POLN: variants seen among roughly 807,000 people sequenced by gnomAD.
POLN encodes the protein DNA polymerase nu.
Under a neutral mutation model 113.5 loss-of-function variants are expected in POLN, and 108 were observed. The ratio of observed to expected loss-of-function variants is 0.95; its 90% CI spans 0.81 to 1.12. The LOEUF (loss-of-function observed/expected upper bound fraction) is 1.12. Ranked by LOEUF, POLN falls within the 50% of genes most tolerant of loss-of-function variation. The probability of loss-of-function intolerance (pLI) is 0.00; values close to 1 mark genes in which losing one functional copy is unlikely to be tolerated. For synonymous variants in POLN, 386 were observed against 391.5 expected (o/e 0.99, Z 0.17); for missense variants, 1,097 against 1,077.1 (o/e 1.02, Z -0.26).
intron 13 of POLN, among the ~76,000 whole-genome samples, chr4:2,168,987 C>T (rs1472268009): frequency 6.6e-6 from 1 of 152,234 alleles, no homozygotes; most frequent in Non-Finnish European, 1.5e-5. Flanking sequence ...GAAGAAACAG[C>T]TGTGACTTGG....
rs771009498 is a variant in POLN at position 2,198,667 on chromosome 4, T to C, written c.765A>G (p.Ala255=). The C allele has an allele frequency of 5.0e-6, 8 of 1,613,384 alleles. No individual in the cohort carries two copies. The highest frequency in any genetic ancestry group is 6.8e-6 in the Non-Finnish European group (8 of 1,179,748). The change falls in exon 6 of 26, where the codon GCA becomes GCG. Residue 255 remains alanine, a synonymous_variant. Coordinates refer to ENST00000511885, the MANE Select transcript of POLN (RefSeq NM_181808.4). ...RGIVVLVKRQ[A]EGGHGCPDAP... ...CATCTGGACAGCCATGGCCACCCTC[T>C]GCTTGGCGTTTTACTAACACCACAA... is the stretch of plus-strand genomic sequence containing the variant.
chr4:2,125,888 A>G (rs867616431), intron 19 of POLN, among the ~76,000 whole-genome samples: 1 of 152,154 alleles, frequency 6.6e-6, no homozygotes, highest in African/African-American at 2.4e-5. Context: ...GAGGCCAGCG[A>G]GGACCCAGTG....
intron 13 of POLN, among the ~76,000 whole-genome samples, chr4:2,168,228 T>C (rs1036083137): frequency 3.3e-5 from 5 of 152,100 alleles, no homozygotes; most frequent in African/African-American, 1.2e-4. Context: ...ACACAGGGGA[T>C]ACCATCAGCT....
Position 2,085,627 on chromosome 4 carries a change from T to C in POLN, c.2183A>G (p.Gln728Arg). 6.2e-7 allele frequency: 1 copy of C among 1,614,074 alleles called. No homozygotes were observed. The highest frequency in any genetic ancestry group is 8.5e-7 in the Non-Finnish European group (1 of 1,180,038). ...IKDFARAAIA[Q>R]CHQTGCVVSI... ...GGCCAACTCACCTGTCTGGTGACAC[T>C]GGGCAATAGCTGCTCGGGCGAAGTC... The change falls in exon 21 of 26, where the codon CAG (glutamine) becomes CGG (arginine). Residue 728 changes from glutamine (Q) to arginine (R), a missense_variant. By Grantham distance (43) the Gln-to-Arg change is conservative. Transcript: ENST00000511885.
intron 2 of POLN, among the ~76,000 whole-genome samples, chr4:2,235,528 T>C (rs1186130060): frequency 6.6e-6 from 1 of 152,232 alleles, no homozygotes; most frequent in East Asian, 1.9e-4. Flanking sequence ...TATCATATAA[T>C]GGAATACTAA....
At chr4:2,228,937 A>G in intron 3 of POLN, 162 bp downstream of exon 3, 1 of 554,882 alleles carries the variant, frequency 1.8e-6, no homozygotes, top group East Asian at 3.1e-5. Context: ...TTAAGGGAAC[A>G]CGAAAGTTAG....
intron 16 of POLN, among the ~76,000 whole-genome samples, chr4:2,156,025 G>A (rs1051944444): frequency 6.6e-6 from 1 of 152,012 alleles, no homozygotes. Flanking sequence ...AGTAGAGACG[G>A]GGTTTCACCA....
intron 20 of POLN, chr4:2,088,602 A>G: frequency 1.6e-6 from 1 of 620,088 alleles, no homozygotes. Context: ...ACTGATCTAC[A>G]ACAATTTTCA....
At chr4:2,227,222 C>G (rs1734420822) in intron 3 of POLN, among the ~76,000 whole-genome samples, 1 of 152,224 alleles carries the variant, frequency 6.6e-6, no homozygotes, top group African/African-American at 2.4e-5. Context: ...CATAGAGGAT[C>G]ACATGACAGG....
At chr4:2,104,353 C>A (rs917890635) in intron 19 of POLN, among the ~76,000 whole-genome samples, 1 of 152,142 alleles carries the variant, frequency 6.6e-6, no homozygotes, top group African/African-American at 2.4e-5. Context: ...CTATGAATAT[C>A]ATGTACGAGT....
rs1025828296 is a variant in POLN at position 2,240,738 on chromosome 4, G to C, written c.-13+782C>G. The C allele has an allele frequency of 7.4e-6, 12 of 1,613,826 alleles. No individual in the cohort carries two copies. In the Admixed American group the frequency reaches 1.5e-4, roughly 20 times the overall value. Reference sequence around the variant, plus strand: ...ATCCAATGCCGCCCCTTCTAGAATAGGCTTGCCTGATTTCTGAAGAATGCT... The same window carrying C: ...ATCCAATGCCGCCCCTTCTAGAATACGCTTGCCTGATTTCTGAAGAATGCT... On this transcript the variant is annotated intron_variant, in intron 2 of 25. Coordinates refer to ENST00000511885, the MANE Select transcript of POLN (RefSeq NM_181808.4).
At chr4:2,137,660 GC>G (rs1178825948) in intron 16 of POLN, among the ~76,000 whole-genome samples, 4 of 152,072 alleles carry the variant, frequency 2.6e-5, no homozygotes, top group East Asian at 3.9e-4. Context: ...CTGCTCAGCT[GC>G]CCCCTCCCCA....
intron 2 of POLN, chr4:2,236,113 A>T: frequency 1.6e-6 from 1 of 619,884 alleles, no homozygotes; most frequent in Non-Finnish European, 2.8e-6. Context: ...AATATACTTT[A>T]TATTAAGGCA....
chr4:2,118,449 T>A (rs1367351435), intron 19 of POLN, among the ~76,000 whole-genome samples: 1 of 152,232 alleles, frequency 6.6e-6, no homozygotes, highest in Non-Finnish European at 1.5e-5. Flanking sequence ...TCTGAGTTTG[T>A]CTCTTACTTA....
intron 7 of POLN, among the ~76,000 whole-genome samples, chr4:2,184,954 GTAAA>G (rs1036014452): frequency 1.3e-5 from 2 of 152,104 alleles, no homozygotes; most frequent in Non-Finnish European, 2.9e-5. Context: ...TTGAAAACGG[GTAAA>G]TAAAGGAAAA....
intron 7 of POLN, among the ~76,000 whole-genome samples, chr4:2,184,708 G>T (rs1014630553): frequency 6.6e-6 from 1 of 152,112 alleles, no homozygotes; most frequent in Non-Finnish European, 1.5e-5. Flanking sequence ...GCTAATTTCA[G>T]GTCTAGAGCA....
At chr4:2,239,140 A>G (rs1239834421) in intron 2 of POLN, 2 of 594,842 alleles carry the variant, frequency 3.4e-6, no homozygotes, top group African/African-American at 3.7e-5. Context: ...ACCAGATAAT[A>G]AGCTCAATGA....
chr4:2,209,101 T>C (rs1560094557), intron 4 of POLN, among the ~76,000 whole-genome samples: 1 of 152,134 alleles, frequency 6.6e-6, no homozygotes, highest in Non-Finnish European at 1.5e-5. Flanking sequence ...AGAAGATTAA[T>C]AATTTACAAC....
At chr4:2,198,878 A>C (rs1259256141) in intron 5 of POLN, among the ~76,000 whole-genome samples, 161 bp from the exon 6 acceptor site, 5 of 152,158 alleles carry the variant, frequency 3.3e-5, no homozygotes, top group Non-Finnish European at 2.9e-5. Flanking sequence ...CAAACCCATG[A>C]CCTTATGCTC....
Sources: allele counts gnomAD v4.1 joint callset (sites outside exome capture counted in the v4.1 genomes callset), GRCh38; gene constraint gnomAD v4.1.1; transcripts MANE v1.5; gene names NCBI Gene and HGNC (gene_info 2026-07-23, HGNC 2026-07-21).